MYH15: variants seen among roughly 807,000 people sequenced by gnomAD.
MYH15 encodes myosin-15.
MYH15 carries 227 observed loss-of-function variants against 240.5 expected under a neutral mutation model. The observed-to-expected ratio is 0.94, with a 90% CI of 0.85 to 1.05. The LOEUF (loss-of-function observed/expected upper bound fraction) is 1.05. MYH15 is among the 50% of genes least tolerant of loss of function. The pLI is 0.00. For missense variants in MYH15, 2,217 were observed against 2,247.5 expected, an observed-to-expected ratio of 0.99 and a Z score of 0.27; for synonymous variants, 785 against 796.7, an observed-to-expected ratio of 0.99 and a Z score of 0.25.
At chr3:108,384,875 CT>C in intron 38 of MYH15, 93 bp from the exon 39 acceptor site, 1 of 1,051,144 alleles carries the variant, frequency 9.5e-7, no homozygotes, top group Non-Finnish European at 1.4e-6. Flanking sequence ...GATCAGGGAA[CT>C]TTATTAAACA....
intron 21 of MYH15, among the ~76,000 whole-genome samples, chr3:108,446,057 G>C (rs2082925189): frequency 6.6e-6 from 1 of 152,036 alleles, no homozygotes. Context: ...TGCAGCCCCA[G>C]ACTGCAAGCC....
intron 1 of MYH15, among the ~76,000 whole-genome samples, chr3:108,506,092 C>A (rs1015082319): frequency 1.3e-5 from 2 of 152,086 alleles, no homozygotes; most frequent in Non-Finnish European, 2.9e-5. Flanking sequence ...AAAGTTACCT[C>A]CCAACACCCC....
At position 108,381,246 on chromosome 3, in the gene MYH15, A is replaced by C; in HGVS notation, c.*299T>G. On this transcript the variant is annotated 3_prime_UTR_variant, in exon 41 of 41. Transcript: ENST00000693548. ...TACCCATTAAGAGGAAATATGGACAAAGGATCAAGTATTTATTCATTTTTT... is the reference window on the plus strand; with the variant it reads ...TACCCATTAAGAGGAAATATGGACACAGGATCAAGTATTTATTCATTTTTT... 1 of 452,256 alleles carries C rather than the reference A, an allele frequency of 2.2e-6. No individual in the cohort carries two copies. The highest frequency in any genetic ancestry group is 6.3e-4 in the Middle Eastern group (1 of 1,582). 28.0% of individuals were successfully genotyped at this position (452,256 alleles called of 1,614,324 possible).
At chr3:108,517,644 T>A (rs1430235807) in intron 1 of MYH15, among the ~76,000 whole-genome samples, 2 of 151,266 alleles carry the variant, frequency 1.3e-5, no homozygotes, top group Non-Finnish European at 2.9e-5. Context: ...ATTTTTGTAT[T>A]TTTAGTAGGA....
At chr3:108,464,283 C>G (rs2083095414) in intron 15 of MYH15, among the ~76,000 whole-genome samples, 1 of 152,078 alleles carries the variant, frequency 6.6e-6, no homozygotes, top group African/African-American at 2.4e-5. Context: ...ATAAAAAAAT[C>G]TTCAACAAAA....
intron 32 of MYH15, 61 bp from the exon 33 acceptor site, chr3:108,405,514 T>C: frequency 9.0e-7 from 1 of 1,105,336 alleles, no homozygotes; most frequent in East Asian, 2.5e-5. Flanking sequence ...TTGTATTTTT[T>C]ACCCAAAACA....
intron 23 of MYH15, 77 bp downstream of exon 23, chr3:108,440,941 A>C (rs1335537896): frequency 1.0e-5 from 16 of 1,562,284 alleles, no homozygotes; most frequent in Non-Finnish European, 1.4e-5. Flanking sequence ...GAATAGAGCA[A>C]GTCAGATACC....
intron 14 of MYH15, among the ~76,000 whole-genome samples, chr3:108,467,328 A>G (rs931766938): frequency 5.3e-5 from 8 of 151,898 alleles, no homozygotes; most frequent in African/African-American, 1.9e-4. Context: ...TTAAAAACAC[A>G]AGAATTAACA....
Position 108,392,568 on chromosome 3 carries a change from A to G in MYH15, c.5260-638T>C, listed in dbSNP as rs535583140. Among the ~76,000 whole-genome samples, 3 of 152,310 alleles carry G rather than the reference A, an allele frequency of 2.0e-5. No individual in the cohort carries two copies. The East Asian group carries it at 5.8e-4, about 29-fold the overall frequency. ...CATTTAATGTAAGAACATGGCCCTC[A>G]CAGCCCAAGCTTTTCTGTCTATCAG... is the stretch of plus-strand genomic sequence containing the variant. On this transcript the variant is annotated intron_variant, in intron 36 of 40. Coordinates refer to ENST00000693548, the MANE Select transcript of MYH15 (RefSeq NM_014981.3).
chr3:108,500,267 G>A lies in MYH15; in HGVS notation c.347C>T (p.Ser116Leu). ...RYGQWMIYTYSGLFCVTINPY... is the reference protein window; with the variant it reads ...RYGQWMIYTYLGLFCVTINPY... ...GTTTATGGTCACACAGAAGAGACCT[G>A]AATATGTCTGAGGGAAAATCAGAAA... Residue 116 changes from serine to leucine, a missense_variant, in exon 4 of 41, where the codon TCA becomes TTA. Ser to Leu is a moderately radical substitution (Grantham distance 145). Coordinates refer to ENST00000693548, the MANE Select transcript of MYH15 (RefSeq NM_014981.3). 1 of 1,606,110 alleles carries A rather than the reference G, an allele frequency of 6.2e-7. No individual in the cohort carries two copies.
At chr3:108,466,110 T>G (rs1355580704) in intron 14 of MYH15, among the ~76,000 whole-genome samples, 1 of 152,098 alleles carries the variant, frequency 6.6e-6, no homozygotes, top group African/African-American at 2.4e-5. Flanking sequence ...CCATCAAACT[T>G]GATTTACCTA....
At chr3:108,511,762 A>G (rs1258143752), upstream of MYH15, among the ~76,000 whole-genome samples, 1 of 152,186 alleles carries the variant, frequency 6.6e-6, no homozygotes, top group East Asian at 1.9e-4. Context: ...CCACTTCAGA[A>G]TGAACTGTAA....
intron 22 of MYH15, among the ~76,000 whole-genome samples, chr3:108,441,698 G>C (rs1191544390): frequency 6.6e-6 from 1 of 152,216 alleles, no homozygotes; most frequent in African/African-American, 2.4e-5. Context: ...ACTGTTATAA[G>C]TGCATGGATG....
upstream of MYH15, chr3:108,510,717 C>G: frequency 1.2e-6 from 1 of 864,362 alleles, no homozygotes; most frequent in Non-Finnish European, 1.7e-6. Context: ...CCCCTTCTTT[C>G]TCTTCGCTAT....
intron 37 of MYH15, 79 bp downstream of exon 37, chr3:108,391,681 C>T (rs1173717192): frequency 1.2e-5 from 17 of 1,420,324 alleles, no homozygotes; most frequent in Non-Finnish European, 1.5e-5. Flanking sequence ...TGTTGGGGGG[C>T]AGATCTAGTG....
chr3:108,497,157 TAAAAAAAAAAAA>T (rs5851595), intron 6 of MYH15, among the ~76,000 whole-genome samples: 2 of 28,742 alleles, frequency 7.0e-5, no homozygotes, highest in Admixed American at 7.1e-4. Flanking sequence ...CGAGACTCCG[TAAAAAAAAAAAA>T]AAAAAAAAAA....
rs1404243122 is a variant in MYH15 at position 108,435,845 on chromosome 3, C to T, written c.3221+1709G>A. On this transcript the variant is annotated intron_variant, in intron 25 of 40. Coordinates refer to ENST00000693548, the MANE Select transcript of MYH15 (RefSeq NM_014981.3). ...ACATATATGTATATGTATACACACACACACACACACACACACATCACATTT... is the reference window on the plus strand; with the variant it reads ...ACATATATGTATATGTATACACACATACACACACACACACACATCACATTT... Among the ~76,000 whole-genome samples, 37 of 151,058 alleles carry T rather than the reference C, an allele frequency of 2.4e-4. 1 individual carries two copies. Among genetic ancestry groups the T allele is most frequent in the Admixed American group, 2.4e-3 (37 of 15,136 alleles).
intron 6 of MYH15, among the ~76,000 whole-genome samples, chr3:108,496,173 A>G (rs1454033499): frequency 6.6e-6 from 1 of 152,226 alleles, no homozygotes; most frequent in Non-Finnish European, 1.5e-5. Context: ...AAAAAGAAAA[A>G]CATACCAAAG....
At chr3:108,533,561 A>G (rs1190589696), upstream of MYH15, among the ~76,000 whole-genome samples, 1 of 152,160 alleles carries the variant, frequency 6.6e-6, no homozygotes, top group Non-Finnish European at 1.5e-5. Flanking sequence ...CCAGGGAGAG[A>G]TACACTGGAA....
Sources: gnomAD v4.1 joint callset for allele counts (sites outside exome capture counted in the v4.1 genomes callset) on GRCh38, gnomAD v4.1.1 for gene constraint, MANE v1.5 for transcripts, NCBI Gene and HGNC (gene_info 2026-07-23, HGNC 2026-07-21) for gene names.